DNAI1: variants seen among roughly 807,000 people sequenced by gnomAD.
DNAI1 encodes dynein axonemal intermediate chain 1.
A neutral mutation model predicts 92.0 loss-of-function variants in DNAI1; 67 were observed. The ratio of observed to expected loss-of-function variants is 0.73; its 90% CI spans 0.60 to 0.89. The LOEUF is 0.89. Among genes scored for constraint, DNAI1 ranks in the 40% least tolerant of loss-of-function variants. The pLI is 0.00. For missense variants in DNAI1, 839 were observed against 866.6 expected (o/e 0.97, Z 0.40); for synonymous variants, 323 against 319.6 (o/e 1.01, Z -0.11).
In DNAI1 at chr9:34,497,182, A is replaced by G. The variant is rs1824743178; in HGVS notation, c.884A>G (p.Tyr295Cys). Residue 295 changes from tyrosine (Y) to cysteine (C), a missense_variant, in exon 10 of 20, where the codon TAT (tyrosine) becomes TGT (cysteine). Physicochemically the swap from Tyr to Cys is radical, Grantham distance 194 (BLOSUM62 -2). Transcript: ENST00000242317. ...GAGCGGATGGTCAACCAGAATACAT[A>G]TGATGACATTGCTCAAGGTAAGAGT... is the stretch of plus-strand genomic sequence containing the variant. ...IMERMVNQNT[Y>C]DDIAQDFKYY... 8 of 1,613,926 alleles carry G rather than the reference A, an allele frequency of 5.0e-6. No individual in the cohort carries two copies. The highest frequency in any genetic ancestry group is 6.8e-6 in the Non-Finnish European group (8 of 1,179,740).
chr9:34,494,427 C>T (rs1005627176), intron 9 of DNAI1, among the ~76,000 whole-genome samples: 49 of 152,096 alleles, frequency 3.2e-4, no homozygotes, highest in Admixed American at 1.8e-3. Flanking sequence ...AAAGATGGAG[C>T]CCCTGCCCTG....
At position 34,482,010 on chromosome 9, in the gene DNAI1, G is replaced by A. The variant is rs546433474; in HGVS notation, c.49-1438G>A. On this transcript the variant is annotated intron_variant, in intron 1 of 19. Transcript: ENST00000242317. ...GCCGAGTGGCCTGTTTTGTCAGGGC[G>A]CTGATTGGTGCGGTTACAATCCCTG... Among the ~76,000 whole-genome samples the A allele has an allele frequency of 1.5e-4, 23 of 152,312 alleles. No individual in the cohort carries two copies. In the South Asian group the frequency reaches 3.1e-3, roughly 21 times the overall value.
intron 8 of DNAI1, among the ~76,000 whole-genome samples, chr9:34,491,767 C>T (rs927745444): frequency 3.9e-5 from 6 of 152,184 alleles, no homozygotes; most frequent in African/African-American, 7.2e-5. Flanking sequence ...GGGCCAGCCA[C>T]GTGACTCAAG....
intron 9 of DNAI1, among the ~76,000 whole-genome samples, chr9:34,495,476 T>C (rs1472004622): frequency 6.6e-6 from 1 of 152,208 alleles, no homozygotes; most frequent in Non-Finnish European, 1.5e-5. Flanking sequence ...TAATGATACC[T>C]ACTTTGCAAG....
At chr9:34,516,334 T>G (rs1412105267) in intron 18 of DNAI1, among the ~76,000 whole-genome samples, 2 of 152,126 alleles carry the variant, frequency 1.3e-5, no homozygotes. Context: ...TTTTAAGTGC[T>G]TTAAAGGTAA....
chr9:34,475,786 G>A (rs2132048666), intron 1 of DNAI1, among the ~76,000 whole-genome samples: 1 of 152,268 alleles, frequency 6.6e-6, no homozygotes, highest in African/African-American at 2.4e-5. Flanking sequence ...TGACTTCAAA[G>A]CCCACACTTG....
At chr9:34,469,942 A>T (rs1824108490) in intron 1 of DNAI1, among the ~76,000 whole-genome samples, 1 of 152,174 alleles carries the variant, frequency 6.6e-6, no homozygotes, top group Non-Finnish European at 1.5e-5. Flanking sequence ...CAAAACCATT[A>T]TTGTCAAGTA....
At chr9:34,485,342 T>G in intron 3 of DNAI1, 95 bp from the exon 4 acceptor site, 19 of 1,586,312 alleles carry the variant, frequency 1.2e-5, no homozygotes, top group Non-Finnish European at 1.5e-5. Context: ...AACCTGGGTG[T>G]GAGATGTCTG....
chr9:34,475,507 A>G (rs1029980999), intron 1 of DNAI1, among the ~76,000 whole-genome samples: 1 of 152,208 alleles, frequency 6.6e-6, no homozygotes, highest in Non-Finnish European at 1.5e-5. Context: ...ACAGCAGAGC[A>G]GGGTCTATAA....
intron 8 of DNAI1, among the ~76,000 whole-genome samples, chr9:34,492,154 G>T (rs1488971781): frequency 2.0e-5 from 3 of 152,128 alleles, no homozygotes; most frequent in Non-Finnish European, 4.4e-5. Flanking sequence ...TTGTTGGAGG[G>T]TCTGAATGAG....
chr9:34,483,077 C>A (rs1028613540), intron 1 of DNAI1, among the ~76,000 whole-genome samples: 1 of 152,240 alleles, frequency 6.6e-6, no homozygotes, highest in African/African-American at 2.4e-5. Flanking sequence ...CCACCAAGCC[C>A]ACGCCCACCC....
chr9:34,493,251 A>G lies in DNAI1; in HGVS notation c.739A>G (p.Lys247Glu). The stretch of plus-strand genomic sequence containing the variant: ...TGAGAAGCAGGAAAAGACCAAAGAG[A>G]AGGAGAAGGCAAAGACCCCAGTGGC... ...ELEKQEKTKE[K>E]EKAKTPVAKK... The change falls in exon 9 of 20, where the codon AAG becomes GAG. Residue 247 changes from lysine to glutamate, a missense_variant. Physicochemically the swap from Lys to Glu is moderately conservative, Grantham distance 56. Coordinates refer to ENST00000242317, the MANE Select transcript of DNAI1 (RefSeq NM_012144.4). 6.2e-7 allele frequency: 1 copy of G among 1,614,176 alleles called. No homozygotes were observed. Among genetic ancestry groups the G allele is most frequent in the Non-Finnish European group, 8.5e-7 (1 of 1,180,030 alleles).
rs1211082711 is a variant in DNAI1 at position 34,500,566 on chromosome 9, T to C, written c.902-156T>C. On this transcript the variant is annotated intron_variant, in intron 10 of 19. Coordinates refer to ENST00000242317, the MANE Select transcript of DNAI1 (RefSeq NM_012144.4). ...TGCATATATTAACTCAATTCATATA[T>C]CCTCACAACAGAACTCTGAGATAGG... 2.0e-5 allele frequency among the ~76,000 whole-genome samples: 3 copies of C among 152,178 alleles called. No individual in the cohort carries two copies. The East Asian group carries it at 5.8e-4, about 29-fold the overall frequency.
chr9:34,471,829 G>T (rs1289227766), intron 1 of DNAI1, among the ~76,000 whole-genome samples: 1 of 151,804 alleles, frequency 6.6e-6, no homozygotes, highest in East Asian at 1.9e-4. Flanking sequence ...ATCCTATAAT[G>T]ATGACATCTC....
intron 16 of DNAI1, among the ~76,000 whole-genome samples, chr9:34,513,701 G>C (rs1331804889): frequency 1.3e-5 from 2 of 152,166 alleles, no homozygotes; most frequent in Non-Finnish European, 2.9e-5. Context: ...CAGAGACTCA[G>C]AATGTTAATT....
intron 1 of DNAI1, among the ~76,000 whole-genome samples, chr9:34,462,624 G>A (rs896773212): frequency 6.6e-6 from 1 of 152,214 alleles, no homozygotes; most frequent in African/African-American, 2.4e-5. Flanking sequence ...TTCGAAGGAT[G>A]GGAAGGGGTG....
intron 10 of DNAI1, 36 bp downstream of exon 10, chr9:34,497,235 C>T (rs2132069048): frequency 6.5e-7 from 1 of 1,542,232 alleles, no homozygotes; most frequent in Non-Finnish European, 9.0e-7. Flanking sequence ...CTATTATTGC[C>T]TGTATTAAAA....
chr9:34,514,791 T>A, intron 18 of DNAI1, 52 bp downstream of exon 18: 2 of 1,584,858 alleles, frequency 1.3e-6, no homozygotes, highest in Non-Finnish European at 1.7e-6. Flanking sequence ...ATCAGGTGTG[T>A]TATCTCAGGG....
rs926347298 is a variant in DNAI1, at chr9:34,506,775, T to G, written c.1212T>G (p.Tyr404Ter). The G allele has an allele frequency of 5.0e-6, 8 of 1,614,064 alleles. No individual in the cohort carries two copies. The highest frequency in any genetic ancestry group is 1.3e-5 in the African/African-American group (1 of 74,938). The change falls in exon 13 of 20, where the codon TAT becomes TAG. Residue 404 changes from tyrosine to a stop codon, truncating the protein, a stop_gained. Coordinates refer to ENST00000242317, the MANE Select transcript of DNAI1 (RefSeq NM_012144.4). LOFTEE classifies it high-confidence loss of function. ...DHPYLVAVGH[Y>*]DGNVAIYNLK... ...CCTACCTGGTGGCAGTAGGCCACTA[T>G]GACGGCAACGTGGCCATTTACAACC...
Sources: gnomAD v4.1 joint callset for allele counts (sites outside exome capture counted in the v4.1 genomes callset) on GRCh38, gnomAD v4.1.1 for gene constraint, MANE v1.5 for transcripts, NCBI Gene and HGNC (gene_info 2026-07-23, HGNC 2026-07-21) for gene names.